Variants in CIMIP6 observed in about 807,000 individuals in gnomAD.
CIMIP6 encodes uncharacterized protein C2orf73.
At chr2:54,335,678 C>T in the CIMIP6 span, among the ~76,000 whole-genome samples, 2 of 152,246 alleles carry the variant, frequency 1.3e-5, no homozygotes, top group East Asian at 3.9e-4. Context: ...GTATTAGTTT[C>T]CTATTGCTGA....
chr2:54,351,123 T>C, the CIMIP6 span, among the ~76,000 whole-genome samples: 11 of 152,246 alleles, frequency 7.2e-5, no homozygotes, highest in Non-Finnish European at 1.5e-4. Context: ...TTTCACTTGT[T>C]TGACATTTAA....
the CIMIP6 span, among the ~76,000 whole-genome samples, chr2:54,344,361 C>CT: frequency 6.6e-6 from 1 of 152,108 alleles, no homozygotes; most frequent in Non-Finnish European, 1.5e-5. Context: ...GCAATAAACT[C>CT]TTAAGAGTGA....
At chr2:54,361,438 G>A in the CIMIP6 span, 2 of 152,114 alleles carry the variant, frequency 1.3e-5, no homozygotes, top group African/African-American at 2.4e-5. Flanking sequence ...GGAAGTAGGT[G>A]GAGTATTCCT....
the CIMIP6 span, among the ~76,000 whole-genome samples, chr2:54,382,844 T>C: frequency 6.6e-6 from 1 of 152,262 alleles, no homozygotes; most frequent in Non-Finnish European, 1.5e-5. Context: ...AATTCTTTGA[T>C]ACTACTTCTT....
At chr2:54,366,088 C>T in the CIMIP6 span, among the ~76,000 whole-genome samples, 1 of 152,156 alleles carries the variant, frequency 6.6e-6, no homozygotes, top group Non-Finnish European at 1.5e-5. Context: ...AATAAAATCA[C>T]CCATTTTTAG....
the CIMIP6 span, among the ~76,000 whole-genome samples, chr2:54,335,319 A>C: frequency 6.6e-6 from 1 of 152,194 alleles, no homozygotes; most frequent in African/African-American, 2.4e-5. Flanking sequence ...TATATATTCT[A>C]ATATAAAAAT....
At chr2:54,383,816 G>A in the CIMIP6 span, 1 of 152,186 alleles carries the variant, frequency 6.6e-6, no homozygotes, top group African/African-American at 2.4e-5. Flanking sequence ...GAGGTGAGTA[G>A]GACATGAGGG....
the CIMIP6 span, among the ~76,000 whole-genome samples, chr2:54,357,652 C>A: frequency 6.7e-6 from 1 of 150,184 alleles, no homozygotes; most frequent in African/African-American, 2.5e-5. Context: ...TTTTGGCTCA[C>A]TGGAACCTCT....
the CIMIP6 span, among the ~76,000 whole-genome samples, chr2:54,353,033 A>G: frequency 6.6e-6 from 1 of 152,166 alleles, no homozygotes; most frequent in African/African-American, 2.4e-5. Context: ...TTTAATGATG[A>G]CAGATTTTGC....
chr2:54,355,733 G>A, the CIMIP6 span, among the ~76,000 whole-genome samples: 1 of 151,902 alleles, frequency 6.6e-6, no homozygotes, highest in Non-Finnish European at 1.5e-5. Flanking sequence ...TGTTTCAACT[G>A]TTATATTTTT....
chr2:54,360,692 A>C, the CIMIP6 span: 2 of 996,508 alleles, frequency 2.0e-6, no homozygotes, highest in South Asian at 4.3e-5. Flanking sequence ...ATGGAAAAAG[A>C]GAAAAAAGAC....
the CIMIP6 span, chr2:54,360,468 G>C: frequency 6.3e-7 from 1 of 1,581,134 alleles, no homozygotes; most frequent in Non-Finnish European, 8.6e-7. Context: ...CCTGAGAGCA[G>C]AGAAAAGACC....
the CIMIP6 span, among the ~76,000 whole-genome samples, chr2:54,376,676 TGAG>T: frequency 6.6e-6 from 1 of 152,100 alleles, no homozygotes; most frequent in Non-Finnish European, 1.5e-5. Flanking sequence ...GTGCCCAGGA[TGAG>T]GAGTAACATG....
the CIMIP6 span, among the ~76,000 whole-genome samples, chr2:54,375,540 A>G: frequency 1.3e-5 from 2 of 152,204 alleles, no homozygotes; most frequent in African/African-American, 4.8e-5. Flanking sequence ...TAGAAGGGCA[A>G]TTTGACAAAA....
the CIMIP6 span, among the ~76,000 whole-genome samples, chr2:54,336,684 T>G: frequency 6.6e-5 from 10 of 152,198 alleles, no homozygotes; most frequent in African/African-American, 2.4e-4. Context: ...TATTGGAATG[T>G]TACATGGTAG....
chr2:54,335,035 T>C, the CIMIP6 span: 5 of 1,571,832 alleles, frequency 3.2e-6, no homozygotes, highest in African/African-American at 1.4e-5. Context: ...GTTGGACAGA[T>C]GTTCATTGTA....
the CIMIP6 span, among the ~76,000 whole-genome samples, chr2:54,372,282 C>T: frequency 4.6e-5 from 7 of 152,150 alleles, no homozygotes; most frequent in Non-Finnish European, 1.0e-4. Flanking sequence ...CAGGAAATGT[C>T]AGTGTTCATA....
the CIMIP6 span, among the ~76,000 whole-genome samples, chr2:54,338,156 G>A: frequency 4.6e-5 from 7 of 151,876 alleles, no homozygotes. Flanking sequence ...AAAATTGGCT[G>A]GGCACAGTGG....
the CIMIP6 span, chr2:54,382,068 A>G: frequency 5.7e-6 from 8 of 1,399,378 alleles, no homozygotes; most frequent in Non-Finnish European, 7.5e-6. Context: ...GTGGCTGAAG[A>G]GAACTTAATA....
Sources: allele counts gnomAD v4.1 joint callset (sites outside exome capture counted in the v4.1 genomes callset), GRCh38; gene constraint gnomAD v4.1.1; transcripts MANE v1.5; gene names NCBI Gene and HGNC (gene_info 2026-07-23, HGNC 2026-07-21).